ADA: variants seen among roughly 807,000 people sequenced by gnomAD.
ADA encodes adenosine deaminase.
Under a neutral mutation model 49.0 loss-of-function variants are expected in ADA, and 45 were observed. That is an observed-to-expected ratio of 0.92 (90% CI 0.72 to 1.18). ADA has a LOEUF of 1.18. ADA is among the 50% of genes most tolerant of loss of function. ADA has a pLI of 0.00. For missense variants in ADA, 445 were observed against 472.5 expected (o/e 0.94, Z 0.54); for synonymous variants, 173 against 184.2 (o/e 0.94, Z 0.49).
At chr20:44,651,427 C>A (rs2065644642) in intron 1 of ADA, 148 bp downstream of exon 1, 1 of 821,856 alleles carries the variant, frequency 1.2e-6, no homozygotes, top group East Asian at 3.0e-5. Context: ...AGCCCGCAAG[C>A]AAGCCACGGC....
intron 1 of ADA, among the ~76,000 whole-genome samples, chr20:44,638,970 A>C (rs1401426958): frequency 6.6e-6 from 1 of 152,196 alleles, no homozygotes; most frequent in Non-Finnish European, 1.5e-5. Flanking sequence ...AACGGGGTAT[A>C]TGAAATGGAT....
chr20:44,631,934 C>T (rs1316845213), intron 2 of ADA, among the ~76,000 whole-genome samples: 1 of 152,204 alleles, frequency 6.6e-6, no homozygotes, highest in East Asian at 1.9e-4. Flanking sequence ...CTGGGTTCCA[C>T]ATTTCCAAAT....
chr20:44,623,487 G>C (rs974353858), intron 6 of ADA, among the ~76,000 whole-genome samples: 2 of 152,272 alleles, frequency 1.3e-5, no homozygotes, highest in East Asian at 1.9e-4. Context: ...TCATCATCAC[G>C]CTGGAAGCGA....
intron 1 of ADA, among the ~76,000 whole-genome samples, chr20:44,648,473 C>G (rs2065613342): frequency 6.6e-6 from 1 of 152,038 alleles, no homozygotes; most frequent in Non-Finnish European, 1.5e-5. Flanking sequence ...GGTATAGGGA[C>G]CGAGGCCCTT....
intron 1 of ADA, among the ~76,000 whole-genome samples, chr20:44,648,619 T>C (rs148577328): frequency 2.6e-5 from 4 of 152,200 alleles, no homozygotes; most frequent in African/African-American, 9.7e-5. Context: ...CTCTCTTCCC[T>C]GTGTCTAAGC....
chr20:44,629,096 T>C lies in ADA; in HGVS notation c.169A>G (p.Thr57Ala). The C allele has an allele frequency of 6.2e-7, 1 of 1,614,082 alleles. No homozygotes were observed. Among genetic ancestry groups the C allele is most frequent in the Non-Finnish European group, 8.5e-7 (1 of 1,180,010 alleles). ...LNVIGMDKPL[T>A]LPDFLAKFDY... ...AACTTGGCCAGGAAGTCTGGAAGGG[T>C]GAGCGGCTTGTCCATGCCAATGACG... The change falls in exon 3 of 12, where the codon ACC becomes GCC. Residue 57 changes from threonine to alanine, a missense_variant. By Grantham distance (58) the Thr-to-Ala change is moderately conservative. Coordinates refer to ENST00000372874, the MANE Select transcript of ADA (RefSeq NM_000022.4).
chr20:44,628,886 G>A (rs2065406701), intron 3 of ADA, among the ~76,000 whole-genome samples, 161 bp downstream of exon 3: 1 of 152,176 alleles, frequency 6.6e-6, no homozygotes, highest in Admixed American at 6.5e-5. Flanking sequence ...GAAAACTGAG[G>A]CCTAAAGGCA....
At chr20:44,632,827 G>A (rs962988670) in intron 2 of ADA, among the ~76,000 whole-genome samples, 1 of 152,208 alleles carries the variant, frequency 6.6e-6, no homozygotes, top group African/African-American at 2.4e-5. Context: ...CAAGTAGCTG[G>A]GATTATAGAT....
At chr20:44,636,434 A>C (rs979553550) in intron 1 of ADA, 146 bp from the exon 2 acceptor site, 2 of 705,726 alleles carry the variant, frequency 2.8e-6, no homozygotes, top group South Asian at 1.6e-5. Context: ...CTGACCCCAT[A>C]TACTTCGGTA....
At chr20:44,638,543 C>T (rs918362590) in intron 1 of ADA, among the ~76,000 whole-genome samples, 1 of 152,188 alleles carries the variant, frequency 6.6e-6, no homozygotes, top group Non-Finnish European at 1.5e-5. Flanking sequence ...CGCCACTGCA[C>T]TCCAGCCTGG....
intron 1 of ADA, among the ~76,000 whole-genome samples, chr20:44,645,357 C>CAAAAA (rs11480982): frequency 3.4e-5 from 2 of 58,460 alleles, no homozygotes; most frequent in Admixed American, 1.8e-4. Context: ...GACTCCAGCT[C>CAAAAA]AAAAAAAAAA....
In ADA at chr20:44,622,608, G is replaced by C. The variant is rs778167423; in HGVS notation, c.825C>G (p.Asp275Glu). The change falls in exon 9 of 12, where the codon GAC becomes GAG. Residue 275 changes from aspartate to glutamate, a missense_variant. By Grantham distance (45) the Asp-to-Glu change is conservative. Coordinates refer to ENST00000372874, the MANE Select transcript of ADA (RefSeq NM_000022.4). Reference protein sequence around the residue: ...SSYLTGAWKPDTEHAVIRLKN... With the variant: ...SSYLTGAWKPETEHAVIRLKN... ...CTCACCGAATGACTGCATGCTCCGT[G>C]TCCGGCTTCCAGGCACCAGTGAGGT... is the stretch of plus-strand genomic sequence containing the variant. 7 of 1,614,142 alleles carry C rather than the reference G, an allele frequency of 4.3e-6. No individual in the cohort carries two copies. The South Asian group carries it at 7.7e-5, about 18-fold the overall frequency.
rs775436011 is a variant in ADA, at chr20:44,622,921, T to C, written c.688A>G (p.Ile230Val). The C allele has an allele frequency of 1.9e-6, 3 of 1,614,108 alleles. No homozygotes were observed. Among genetic ancestry groups the C allele is most frequent in the Middle Eastern group, 1.6e-4 (1 of 6,084 alleles). ...SAEVVKEAVD[I>V]LKTERLGHGY... Reference sequence around the variant, plus strand: ...TGTCCCAGCCGCTCTGTCTTGAGTATGTCCACAGCCTGTAGAGAAGCAGAA... The same window carrying C: ...TGTCCCAGCCGCTCTGTCTTGAGTACGTCCACAGCCTGTAGAGAAGCAGAA... The change falls in exon 8 of 12, where the codon ATA becomes GTA. Residue 230 changes from isoleucine (I) to valine (V), a missense_variant. Coordinates refer to ENST00000372874, the MANE Select transcript of ADA (RefSeq NM_000022.4).
chr20:44,651,505 G>T, intron 1 of ADA, 70 bp downstream of exon 1: 1 of 1,452,468 alleles, frequency 6.9e-7, no homozygotes, highest in Non-Finnish European at 9.3e-7. Flanking sequence ...GCCCCGGGCT[G>T]GGCCCCGCTA....
rs1438552469 is a variant in ADA at position 44,619,732 on chromosome 20, T to C, written c.*102A>G. 6.8e-7 allele frequency: 1 copy of C among 1,476,762 alleles called. No homozygotes were observed. The highest frequency in any genetic ancestry group is 9.5e-7 in the Non-Finnish European group (1 of 1,056,402). The allele number at this position is 1,476,762 out of a possible 1,614,324, so 91.5% of individuals were successfully genotyped here. On this transcript the variant is annotated 3_prime_UTR_variant, in exon 12 of 12. Transcript: ENST00000372874. ...GTTCAGGAGCATCAGTAACTGACTATTGAGATCATGGTCTTCTTGGAAGGA... is the reference window on the plus strand; with the variant it reads ...GTTCAGGAGCATCAGTAACTGACTACTGAGATCATGGTCTTCTTGGAAGGA...
intron 3 of ADA, among the ~76,000 whole-genome samples, chr20:44,628,641 G>A (rs1303873098): frequency 1.3e-5 from 2 of 151,994 alleles, no homozygotes; most frequent in Non-Finnish European, 2.9e-5. Context: ...GTTCCCTGGC[G>A]ACTCAAGACA....
Position 44,640,666 on chromosome 20 carries a change from C to CA in ADA, c.34-4379dup, listed in dbSNP as rs35863085. On this transcript the variant is annotated intron_variant, in intron 1 of 11. Coordinates refer to ENST00000372874, the MANE Select transcript of ADA (RefSeq NM_000022.4). ...TGGGTGAAAGTGCAAAACTCCACCT[C>CA]AAAAAAAAAAAAAAAATTACCTTAT... Among the ~76,000 whole-genome samples, 1,166 of 136,224 alleles carry CA rather than the reference C, an allele frequency of 8.6e-3. 20 individuals are homozygous for CA. The highest frequency in any genetic ancestry group is 0.079 in the East Asian group (377 of 4,750). The allele number at this position is 136,224 out of a possible 152,430, so 89.4% of individuals were successfully genotyped here.
chr20:44,649,888 A>G (rs1011915837), intron 1 of ADA, among the ~76,000 whole-genome samples: 1 of 152,092 alleles, frequency 6.6e-6, no homozygotes, highest in Non-Finnish European at 1.5e-5. Flanking sequence ...GGCGCCCGCC[A>G]CCATGCCCAG....
rs184838566 is a variant in ADA, at chr20:44,623,807, G to A, written c.606+395C>T. ...CTGTCACCCAGGCTGGAGTGCAGTC[G>A]CATTATCACAGCTCACTGCAGCTTT... On this transcript the variant is annotated intron_variant, in intron 6 of 11. Coordinates refer to ENST00000372874, the MANE Select transcript of ADA (RefSeq NM_000022.4). The A allele has an allele frequency of 7.9e-5, 21 of 266,562 alleles. No homozygotes were observed. In the East Asian group the frequency reaches 1.1e-3, roughly 14 times the overall value. The allele number at this position is 266,562 out of a possible 1,614,324, so 16.5% of individuals were successfully genotyped here.
Sources: gnomAD v4.1 joint callset for allele counts (sites outside exome capture counted in the v4.1 genomes callset) on GRCh38, gnomAD v4.1.1 for gene constraint, MANE v1.5 for transcripts, NCBI Gene and HGNC (gene_info 2026-07-23, HGNC 2026-07-21) for gene names.